Variants in PLCZ1 observed in about 807,000 individuals in gnomAD.
PLCZ1 encodes the protein 1-phosphatidylinositol 4,5-bisphosphate phosphodiesterase zeta-1.
PLCZ1 carries 64 observed loss-of-function variants against 76.8 expected under a neutral mutation model. The observed-to-expected ratio is 0.83, with a 90% confidence interval of 0.68 to 1.03. The LOEUF is 1.03. Among genes scored for constraint, PLCZ1 ranks in the 50% least tolerant of loss-of-function variants. The pLI, the probability that PLCZ1 is intolerant of heterozygous loss-of-function variation, is 0.00. For synonymous variants in PLCZ1, 248 were observed against 230.8 expected (o/e 1.07, Z -0.68); for missense variants, 751 against 713.7 (o/e 1.05, Z -0.60).
chr12:18,647,430 T>C, the PLCZ1 span, among the ~76,000 whole-genome samples: 1 of 150,692 alleles, frequency 6.6e-6, no homozygotes, highest in Non-Finnish European at 1.5e-5. Context: ...AACCTGCACA[T>C]CTATTCCCCT....
chr12:18,701,497 T>C lies in PLCZ1; in HGVS notation c.1017+4A>G. The C allele has an allele frequency of 6.2e-7, 1 of 1,614,040 alleles. No homozygotes were observed. The highest frequency in any genetic ancestry group is 2.2e-5 in the East Asian group (1 of 44,854). ...TGTAAGATTTTCACAAAACACCACC[T>C]CACCTTCTTTTTCTTGAAAAGCATT... On this transcript the variant is annotated splice_donor_region_variant and intron_variant, in intron 9 of 14. Transcript: ENST00000266505.
chr12:18,716,445 C>T (rs548448270), intron 5 of PLCZ1, among the ~76,000 whole-genome samples: 61 of 152,334 alleles, frequency 4.0e-4, no homozygotes, highest in Middle Eastern at 6.8e-3. Flanking sequence ...CAACCACTTA[C>T]ATGTGGAGGC....
intron 13 of PLCZ1, 119 bp from the exon 14 acceptor site, chr12:18,684,398 A>G (rs1188545393): frequency 6.5e-6 from 6 of 924,074 alleles, no homozygotes; most frequent in South Asian, 1.7e-5. Context: ...TCTTGTGTTT[A>G]GAGCACATAG....
In PLCZ1 at chr12:18,688,086, C is replaced by A; in HGVS notation, c.1591+3G>T. On this transcript the variant is annotated splice_donor_region_variant and intron_variant, in intron 13 of 14. Transcript: ENST00000266505. The stretch of plus-strand genomic sequence containing the variant: ...AATTCAATAAGGTATATCAGGAGCT[C>A]ACCATTTTTTTTAATTACACGAGTC... 6.2e-7 allele frequency: 1 copy of A among 1,610,458 alleles called. No individual in the cohort carries two copies. The highest frequency in any genetic ancestry group is 8.5e-7 in the Non-Finnish European group (1 of 1,178,702).
At chr12:18,681,893 C>A (rs1270777825), downstream of PLCZ1, among the ~76,000 whole-genome samples, 1 of 151,940 alleles carries the variant, frequency 6.6e-6, no homozygotes, top group African/African-American at 2.4e-5. Flanking sequence ...TGATTAAAGC[C>A]TTTAAATTTC....
chr12:18,654,638 T>C, the PLCZ1 span, among the ~76,000 whole-genome samples: 1 of 152,116 alleles, frequency 6.6e-6, no homozygotes, highest in East Asian at 1.9e-4. Context: ...CAGGTAAAAG[T>C]AAAGCAAAGA....
chr12:18,670,753 T>C, the PLCZ1 span, among the ~76,000 whole-genome samples: 5 of 152,220 alleles, frequency 3.3e-5, no homozygotes, highest in South Asian at 1.0e-3. Context: ...CATCCTGAAC[T>C]ATTTTAGGTG....
the PLCZ1 span, among the ~76,000 whole-genome samples, chr12:18,659,323 G>C: frequency 6.6e-6 from 1 of 152,022 alleles, no homozygotes; most frequent in Non-Finnish European, 1.5e-5. Context: ...AAAGTAGTCA[G>C]ACAAAATAAG....
chr12:18,674,826 T>G, the PLCZ1 span, among the ~76,000 whole-genome samples: 2 of 152,126 alleles, frequency 1.3e-5, no homozygotes, highest in African/African-American at 4.8e-5. Flanking sequence ...CAACACAGAT[T>G]GCACCCTCTG....
At chr12:18,711,472 C>T (rs1482599512) in intron 6 of PLCZ1, among the ~76,000 whole-genome samples, 1 of 150,218 alleles carries the variant, frequency 6.7e-6, no homozygotes, top group Non-Finnish European at 1.5e-5. Flanking sequence ...CAACATGGCA[C>T]ATGTATCCAT....
rs201354911 is a variant in PLCZ1 at position 18,699,926 on chromosome 12, C to T, written c.1042G>A (p.Ala348Thr). 12 of 1,611,148 alleles carry T rather than the reference C, an allele frequency of 7.4e-6. No individual in the cohort carries two copies. Among genetic ancestry groups the T allele is most frequent in the Non-Finnish European group, 1.0e-5 (12 of 1,178,926 alleles). The change falls in exon 10 of 15, where the codon GCC (alanine) becomes ACC (threonine). Residue 348 changes from alanine (A) to threonine (T), a missense_variant. Coordinates refer to ENST00000266505, the MANE Select transcript of PLCZ1 (RefSeq NM_033123.4). The part of the protein sequence containing the change: ...KKTRKLKIAL[A>T]LSDLVIYTKA... ...GTATAAATGACAAGATCAGATAAGG[C>T]CAGAGCAATTTTTAGCTTCCTGGTC...
chr12:18,652,830 T>A, the PLCZ1 span, among the ~76,000 whole-genome samples: 1 of 152,094 alleles, frequency 6.6e-6, no homozygotes, highest in Admixed American at 6.6e-5. Flanking sequence ...AGTAGTAACA[T>A]TCAGTTGTCT....
At chr12:18,650,293 T>TGAA in the PLCZ1 span, among the ~76,000 whole-genome samples, 3 of 87,734 alleles carry the variant, frequency 3.4e-5, no homozygotes, top group South Asian at 1.6e-3. Context: ...TAACCCAAAT[T>TGAA]TCTCTCTCTC....
At chr12:18,646,689 G>C in the PLCZ1 span, among the ~76,000 whole-genome samples, 3 of 152,074 alleles carry the variant, frequency 2.0e-5, no homozygotes, top group Non-Finnish European at 4.4e-5. Context: ...TAAAAAGCAG[G>C]CAAGTTTGTA....
rs145662930 is a variant in PLCZ1, at chr12:18,691,047, A to G, written c.1462-2829T>C. Among the ~76,000 whole-genome samples, 219 of 152,316 alleles carry G rather than the reference A, an allele frequency of 1.4e-3. 1 individual carries two copies. Among genetic ancestry groups the G allele is most frequent in the African/African-American group, 5.0e-3 (209 of 41,582 alleles). ...GCTACCTGAAACCATCAGGAAGCCA[A>G]AGAAATAGACCTGATGACAGGTAGT... On this transcript the variant is annotated intron_variant, in intron 12 of 14. Transcript: ENST00000266505.
rs750935271 is a variant in PLCZ1 at position 18,696,275 on chromosome 12, G to C, written c.1175-9C>G. 4.6e-6 allele frequency: 6 copies of C among 1,297,164 alleles called. No homozygotes were observed. In the South Asian group the frequency reaches 7.4e-5, roughly 16 times the overall value. The allele number at this position is 1,297,164 out of a possible 1,614,324, so 80.4% of individuals were successfully genotyped here. Reference sequence around the variant, plus strand: ...AAAAATAAACTCATGGACTGAAAAAGAATAATTAAAACATTGTGAAAGAAT... The same window carrying C: ...AAAAATAAACTCATGGACTGAAAAACAATAATTAAAACATTGTGAAAGAAT... On this transcript the variant is annotated splice_polypyrimidine_tract_variant and intron_variant, in intron 10 of 14. Transcript: ENST00000266505.
intron 10 of PLCZ1, 54 bp from the exon 11 acceptor site, chr12:18,696,320 CACTATATA>C (rs1565672373): frequency 3.2e-6 from 1 of 314,768 alleles, no homozygotes; most frequent in South Asian, 2.2e-5. Context: ...TTTAAAAAGC[CACTATATA>C]TATATATATA....
chr12:18,646,662 A>C, the PLCZ1 span, among the ~76,000 whole-genome samples: 2 of 152,260 alleles, frequency 1.3e-5, no homozygotes, highest in South Asian at 4.1e-4. Context: ...GAAAGTTTCT[A>C]TCTTGTGACT....
intron 6 of PLCZ1, among the ~76,000 whole-genome samples, chr12:18,710,760 G>T (rs1210525093): frequency 6.6e-6 from 1 of 152,072 alleles, no homozygotes; most frequent in Non-Finnish European, 1.5e-5. Context: ...AGACATTTAT[G>T]CAGCCAAAAA....
Sources: gnomAD v4.1 joint callset for allele counts (sites outside exome capture counted in the v4.1 genomes callset) on GRCh38, gnomAD v4.1.1 for gene constraint, MANE v1.5 for transcripts, NCBI Gene and HGNC (gene_info 2026-07-23, HGNC 2026-07-21) for gene names.